The following GJA5 variants were observed in gnomAD, a reference collection of about 807,000 sequenced individuals.
The protein encoded by GJA5 is gap junction protein alpha 5.
GJA5 carries 3 observed loss-of-function variants against 7.9 expected under a neutral mutation model. The observed-to-expected ratio is 0.38, with a 90% CI of 0.17 to 0.99. The LOEUF (loss-of-function observed/expected upper bound fraction) is 0.99. GJA5 is among the 50% of genes least tolerant of loss of function. The pLI is 0.38. For missense variants in GJA5, 390 were observed against 457.9 expected (o/e 0.85, Z 1.35); for synonymous variants, 193 against 181.0 (o/e 1.07, Z -0.53).
intron 1 of GJA5, among the ~76,000 whole-genome samples, chr1:147,770,199 G>C (rs1443486861): frequency 1.3e-5 from 2 of 152,138 alleles, no homozygotes; most frequent in African/African-American, 4.8e-5. Flanking sequence ...ATGAAGAGAG[G>C]CTCTTTTCTG....
At chr1:147,767,560 G>GTATTT (rs140792295) in intron 1 of GJA5, among the ~76,000 whole-genome samples, 2 of 67,276 alleles carry the variant, frequency 3.0e-5, no homozygotes, top group African/African-American at 6.9e-5. Context: ...GCTAATTTTT[G>GTATTT]TTATTTTTTT....
chr1:147,760,370 A>AT (rs1663954736), intron 1 of GJA5, 129 bp downstream of exon 1: 1 of 152,050 alleles, frequency 6.6e-6, no homozygotes, highest in Non-Finnish European at 1.5e-5. Flanking sequence ...GTACCCCTAC[A>AT]TGTCCCCTCA....
In GJA5 at chr1:147,757,468, A is replaced by T. The variant is rs1431571920; in HGVS notation, c.*694T>A. ...ACAGGCTAGGTGTACACCCTAGCAGAAGGAAAGGTTGCAACATCACCAAGG... is the reference window on the plus strand; with the variant it reads ...ACAGGCTAGGTGTACACCCTAGCAGTAGGAAAGGTTGCAACATCACCAAGG... On this transcript the variant is annotated 3_prime_UTR_variant, in exon 2 of 2. Coordinates refer to ENST00000579774, the MANE Select transcript of GJA5 (RefSeq NM_181703.4). 1 of 156,864 alleles carries T rather than the reference A, an allele frequency of 6.4e-6. No individual in the cohort carries two copies. The highest frequency in any genetic ancestry group is 6.0e-5 in the Admixed American group (1 of 16,560). 9.7% of individuals were successfully genotyped at this position (156,864 alleles called of 1,614,324 possible).
intron 1 of GJA5, among the ~76,000 whole-genome samples, chr1:147,765,717 C>T (rs17160615): frequency 0.094 from 14,358 of 152,200 alleles, 829 homozygotes; most frequent in Non-Finnish European, 0.12. Flanking sequence ...TGGAGTCATT[C>T]TCAACCCACA....
chr1:147,759,340 ATGTT>A (rs1663897125), intron 1 of GJA5, 69 bp from the exon 2 acceptor site: 1 of 855,648 alleles, frequency 1.2e-6, no homozygotes, highest in Non-Finnish European at 2.0e-6. Flanking sequence ...AATGTCTATC[ATGTT>A]CTGGGATTCC....
At chr1:147,763,341 G>T (rs139988775), upstream of GJA5, among the ~76,000 whole-genome samples, 2 of 152,184 alleles carry the variant, frequency 1.3e-5, no homozygotes, top group African/African-American at 2.4e-5. Flanking sequence ...ATTAACAGCA[G>T]ACATTAAATA....
rs1663963285 is a variant in GJA5 at position 147,760,560 on chromosome 1, G to A, written c.-95C>T. ...TCTGCCTGTCTGTGTTCTCCCAGGA[G>A]GGACTGTTTGAAAATGGAGACTGTC... On this transcript the variant is annotated 5_prime_UTR_variant, in exon 1 of 2. Coordinates refer to ENST00000579774, the MANE Select transcript of GJA5 (RefSeq NM_181703.4). 1 of 152,378 alleles carries A rather than the reference G, an allele frequency of 6.6e-6. No individual in the cohort carries two copies. Among genetic ancestry groups the A allele is most frequent in the Non-Finnish European group, 1.5e-5 (1 of 68,186 alleles). 9.4% of individuals were successfully genotyped at this position (152,378 alleles called of 1,614,324 possible). A position where few individuals can be genotyped will look rare whatever the true frequency, so the allele number is the denominator to read the frequency against.
At position 147,756,741 on chromosome 1, in the gene GJA5, C is replaced by T. The variant is rs11240121; in HGVS notation, c.*1421G>A. 47,781 of 151,990 alleles carry T rather than the reference C, an allele frequency of 0.31. 8,630 individuals are homozygous for T. Among genetic ancestry groups the T allele is most frequent in the African/African-American group, 0.48 (19,767 of 41,388 alleles). 9.4% of individuals were successfully genotyped at this position (151,990 alleles called of 1,614,324 possible). On this transcript the variant is annotated 3_prime_UTR_variant, in exon 2 of 2. Coordinates refer to ENST00000579774, the MANE Select transcript of GJA5 (RefSeq NM_181703.4). The stretch of plus-strand genomic sequence containing the variant: ...CGTGCATTTTAATAATGTAATAATC[C>T]CTCTATAAGTCTCAGTTTCCAATTC...
intron 1 of GJA5, 62 bp from the exon 2 acceptor site, chr1:147,759,333 G>A: frequency 1.1e-6 from 1 of 893,248 alleles, no homozygotes; most frequent in Middle Eastern, 2.2e-4. Flanking sequence ...GGTCTGGAAT[G>A]TCTATCATGT....
chr1:147,771,759 G>A (rs1664410804), intron 1 of GJA5, among the ~76,000 whole-genome samples: 1 of 152,180 alleles, frequency 6.6e-6, no homozygotes, highest in South Asian at 2.1e-4. Context: ...TCTCTGCTCT[G>A]CAGACTGTGG....
At chr1:147,769,709 A>G (rs1346696936) in intron 1 of GJA5, among the ~76,000 whole-genome samples, 2 of 152,102 alleles carry the variant, frequency 1.3e-5, no homozygotes, top group African/African-American at 2.4e-5. Context: ...AAAAACACAG[A>G]CAATGGAAAG....
At chr1:147,761,521 T>A (rs1664016864), upstream of GJA5, among the ~76,000 whole-genome samples, 1 of 152,154 alleles carries the variant, frequency 6.6e-6, no homozygotes, top group African/African-American at 2.4e-5. Flanking sequence ...AGTTCCTGAG[T>A]GAGCGGAAAG....
In GJA5 at chr1:147,757,071, TA is replaced by T. The variant is rs1352394499; in HGVS notation, c.*1090del. 2.0e-5 allele frequency: 3 copies of T among 152,226 alleles called. No individual in the cohort carries two copies. Among genetic ancestry groups the T allele is most frequent in the Non-Finnish European group, 4.4e-5 (3 of 68,054 alleles). 9.4% of individuals were successfully genotyped at this position (152,226 alleles called of 1,614,324 possible). Reference sequence around the variant, plus strand: ...CTAAGTTGGCAGTCAGCAAAGGAAGTAAATAGGAGGGGAAAATAGTTTTCCA... The same window carrying T: ...CTAAGTTGGCAGTCAGCAAAGGAAGTAATAGGAGGGGAAAATAGTTTTCCA... On this transcript the variant is annotated 3_prime_UTR_variant, in exon 2 of 2. Coordinates refer to ENST00000579774, the MANE Select transcript of GJA5 (RefSeq NM_181703.4).
At chr1:147,767,580 TA>T (rs760969951) in intron 1 of GJA5, among the ~76,000 whole-genome samples, 13 of 149,164 alleles carry the variant, frequency 8.7e-5, no homozygotes, top group African/African-American at 2.8e-4. Flanking sequence ...TTTTTTTTTT[TA>T]GAGATGGGGT....
upstream of GJA5, among the ~76,000 whole-genome samples, chr1:147,763,558 A>G (rs1410694553): frequency 2.6e-5 from 4 of 151,970 alleles, no homozygotes; most frequent in South Asian, 2.1e-4. Flanking sequence ...AACCATCCCA[A>G]CTCTAAAGGT....
chr1:147,764,823 CAAAAAAAA>C (rs10622801), upstream of GJA5, among the ~76,000 whole-genome samples: 15,571 of 125,760 alleles, frequency 0.12, 927 homozygotes, highest in African/African-American at 0.14. Flanking sequence ...GACTCCGTCT[CAAAAAAAA>C]AAAAAAAAAA....
chr1:147,760,953 C>T (rs1663983613), upstream of GJA5, among the ~76,000 whole-genome samples: 2 of 152,126 alleles, frequency 1.3e-5, no homozygotes, highest in African/African-American at 4.8e-5. Context: ...AGACTACTCA[C>T]AGTGCTCCCA....
intron 1 of GJA5, among the ~76,000 whole-genome samples, chr1:147,760,235 A>G (rs1663945909): frequency 6.6e-6 from 1 of 152,020 alleles, no homozygotes; most frequent in Admixed American, 6.6e-5. Context: ...AATGTCCCAA[A>G]ACTTTATGTC....
intron 1 of GJA5, among the ~76,000 whole-genome samples, chr1:147,767,578 TTTAGAGATGGGG>T (rs2148964052): frequency 1.4e-5 from 2 of 144,930 alleles, no homozygotes. Flanking sequence ...TTTTTTTTTT[TTTAGAGATGGGG>T]TTTTGTCCTG....
Sources: allele counts gnomAD v4.1 joint callset (sites outside exome capture counted in the v4.1 genomes callset), GRCh38; gene constraint gnomAD v4.1.1; transcripts MANE v1.5; gene names NCBI Gene and HGNC (gene_info 2026-07-23, HGNC 2026-07-21).